Variants in UBE3A observed in about 807,000 individuals in gnomAD.
UBE3A encodes ubiquitin protein ligase E3A, also known as ubiquitin-protein ligase E3A.
UBE3A carries 6 observed loss-of-function variants against 83.4 expected under a neutral mutation model. That is an observed-to-expected ratio of 0.07 (90% CI 0.04 to 0.14). UBE3A has a LOEUF of 0.14. Among genes scored for constraint, UBE3A ranks in the 10% least tolerant of loss-of-function variants. The probability of loss-of-function intolerance (pLI) is 1.00; values close to 1 mark genes in which losing one functional copy is unlikely to be tolerated. For missense variants in UBE3A, 456 were observed against 1,036.1 expected (o/e 0.44, Z 7.69); for synonymous variants, 337 against 355.4 (o/e 0.95, Z 0.58).
chr15:25,410,918 G>A (rs1438029422), intron 2 of UBE3A, among the ~76,000 whole-genome samples: 2 of 152,102 alleles, frequency 1.3e-5, no homozygotes, highest in African/African-American at 4.8e-5. Context: ...AGAGACTAAT[G>A]GTATGTGGAA....
intron 1 of UBE3A, chr15:25,418,185 CTA>C (rs1263463496): frequency 6.6e-6 from 1 of 152,102 alleles, no homozygotes; most frequent in African/African-American, 2.4e-5. Context: ...TCTTAAATGA[CTA>C]TTGTCAACTA....
At chr15:25,405,105 C>T (rs970689541) in intron 4 of UBE3A, among the ~76,000 whole-genome samples, 1 of 152,148 alleles carries the variant, frequency 6.6e-6, no homozygotes, top group Non-Finnish European at 1.5e-5. Flanking sequence ...CTAATTATTA[C>T]GCATCTCTGT....
At chr15:25,396,786 A>ATT (rs1000177704) in intron 4 of UBE3A, among the ~76,000 whole-genome samples, 1 of 149,518 alleles carries the variant, frequency 6.7e-6, no homozygotes, top group Non-Finnish European at 1.5e-5. Context: ...AGTATTAATA[A>ATT]TTTTTTTTTT....
At chr15:25,414,338 T>C (rs2090497515) in intron 1 of UBE3A, among the ~76,000 whole-genome samples, 1 of 152,142 alleles carries the variant, frequency 6.6e-6, no homozygotes. Context: ...AACTGTCTAC[T>C]AGATTTTGAG....
chr15:25,423,637 T>G (rs1479904704), intron 1 of UBE3A, among the ~76,000 whole-genome samples: 2 of 152,198 alleles, frequency 1.3e-5, no homozygotes, highest in African/African-American at 4.8e-5. Flanking sequence ...CATTAAGGCC[T>G]AATTTATTAT....
At chr15:25,387,514 T>A (rs2083387780) in intron 4 of UBE3A, among the ~76,000 whole-genome samples, 1 of 150,796 alleles carries the variant, frequency 6.6e-6, no homozygotes, top group Non-Finnish European at 1.5e-5. Flanking sequence ...AAAGCGAGAC[T>A]CCATCTCAAA....
intron 1 of UBE3A, 159 bp downstream of exon 1, chr15:25,438,324 CCTACTT>C (rs1269194356): frequency 6.6e-6 from 1 of 152,430 alleles, no homozygotes; most frequent in Non-Finnish European, 1.5e-5. Flanking sequence ...CCACCAGGGG[CCTACTT>C]CTGGCACCAG....
At chr15:25,409,359 C>T in intron 2 of UBE3A, 152 bp from the exon 3 acceptor site, 1 of 396,658 alleles carries the variant, frequency 2.5e-6, no homozygotes, top group South Asian at 7.2e-5. Context: ...GGACTATTTT[C>T]CAGCATTTTG....
At chr15:25,401,810 CTTTT>C (rs1016273880) in intron 4 of UBE3A, among the ~76,000 whole-genome samples, 11 of 151,976 alleles carry the variant, frequency 7.2e-5, no homozygotes, top group African/African-American at 2.4e-4. Context: ...AGTTCAGATT[CTTTT>C]GTCTGCTTGC....
At chr15:25,427,550 A>G (rs1043024065) in intron 1 of UBE3A, among the ~76,000 whole-genome samples, 1 of 149,288 alleles carries the variant, frequency 6.7e-6, no homozygotes, top group African/African-American at 2.5e-5. Context: ...GGAATTATAA[A>G]CTACTAAAAC....
At chr15:25,379,733 A>G (rs992429626) in intron 4 of UBE3A, among the ~76,000 whole-genome samples, 11 of 152,174 alleles carry the variant, frequency 7.2e-5, no homozygotes, top group Admixed American at 6.5e-4. Flanking sequence ...CTTGTACCAT[A>G]TGGGTCACCA....
Position 25,409,078 on chromosome 15 carries a change from T to A in UBE3A, c.20+10A>T. The A allele has an allele frequency of 6.3e-7, 1 of 1,585,824 alleles. No individual in the cohort carries two copies. The highest frequency in any genetic ancestry group is 8.6e-7 in the Non-Finnish European group (1 of 1,164,076). On this transcript the variant is annotated intron_variant, in intron 3 of 12. Coordinates refer to ENST00000648336, the MANE Select transcript of UBE3A (RefSeq NM_130839.5). ...AGCCTTTTAAAGGCTGTAAAATAAT[T>A]CAAAATTACCTTTTACAAGCTGTGG... is the stretch of plus-strand genomic sequence containing the variant.
At position 25,333,857 on chromosome 15, in the gene UBE3A, T is replaced by G. The variant is rs1269421227; in HGVS notation, c.*5280A>C. 4 of 150,724 alleles carry G rather than the reference T, an allele frequency of 2.7e-5. No individual in the cohort carries two copies. Among genetic ancestry groups the G allele is most frequent in the Admixed American group, 1.3e-4 (2 of 15,118 alleles). 9.3% of individuals were successfully genotyped at this position (150,724 alleles called of 1,614,324 possible). On this transcript the variant is annotated 3_prime_UTR_variant, in exon 13 of 13. Transcript: ENST00000648336. Reference sequence around the variant, plus strand: ...AAAGGACAAAACAACATGAAAATCTTGATACAGAAGAAGCATTTAACAAAA... The same window carrying G: ...AAAGGACAAAACAACATGAAAATCTGGATACAGAAGAAGCATTTAACAAAA...
At chr15:25,405,735 T>C (rs2088368931) in intron 3 of UBE3A, 2 of 553,570 alleles carry the variant, frequency 3.6e-6, no homozygotes. Context: ...TAAAGGAAAC[T>C]GTAAACGCTA....
intron 4 of UBE3A, among the ~76,000 whole-genome samples, chr15:25,389,634 T>A (rs935191363): frequency 6.6e-6 from 1 of 152,132 alleles, no homozygotes; most frequent in Non-Finnish European, 1.5e-5. Context: ...GTGGCTCACA[T>A]CCCAGCACTT....
At chr15:25,364,561 C>T (rs1453688397) in intron 6 of UBE3A, among the ~76,000 whole-genome samples, 2 of 151,366 alleles carry the variant, frequency 1.3e-5, no homozygotes, top group Admixed American at 1.3e-4. Context: ...AGGACTATGT[C>T]TAAACATTCT....
intron 6 of UBE3A, among the ~76,000 whole-genome samples, chr15:25,361,771 T>C (rs1247481827): frequency 6.6e-6 from 1 of 152,116 alleles, no homozygotes; most frequent in African/African-American, 2.4e-5. Flanking sequence ...AGATGAAAAT[T>C]TACCAAAACA....
chr15:25,373,194 T>A (rs901123446), intron 5 of UBE3A, among the ~76,000 whole-genome samples: 2 of 152,348 alleles, frequency 1.3e-5, no homozygotes, highest in African/African-American at 4.8e-5. Flanking sequence ...TGAAAATTTT[T>A]AAAATACCTT....
intron 1 of UBE3A, chr15:25,417,813 A>G (rs1887659851): frequency 6.6e-6 from 1 of 152,022 alleles, no homozygotes; most frequent in Non-Finnish European, 1.5e-5. Context: ...AAAAAGAGGA[A>G]ATGATGAAAG....
Sources: allele counts gnomAD v4.1 joint callset (sites outside exome capture counted in the v4.1 genomes callset), GRCh38; gene constraint gnomAD v4.1.1; transcripts MANE v1.5; gene names NCBI Gene and HGNC (gene_info 2026-07-23, HGNC 2026-07-21).